The following VAT1L variants were observed in gnomAD, a reference collection of about 807,000 sequenced individuals.
VAT1L encodes the protein putative NADPH-dependent quinone oxidoreductase VAT1L.
In VAT1L, 34 loss-of-function variants were observed where a neutral mutation model predicts 44.1. That is an observed-to-expected ratio of 0.77 (90% CI 0.59 to 1.03). The LOEUF (loss-of-function observed/expected upper bound fraction) is 1.03. Ranked by LOEUF, VAT1L falls within the 50% of genes least tolerant of loss-of-function variation. The pLI is 0.00. For missense variants in VAT1L, 615 were observed against 538.8 expected (o/e 1.14, Z -1.40); for synonymous variants, 253 against 202.2 (o/e 1.25, Z -2.13).
At chr16:77,835,877 A>G (rs994187243) in intron 3 of VAT1L, among the ~76,000 whole-genome samples, 1 of 140,438 alleles carries the variant, frequency 7.1e-6, no homozygotes. Context: ...CTGTCTCAAG[A>G]AAAAAAAAAA....
Position 77,879,654 on chromosome 16 carries a change from A to T in VAT1L, c.882+430A>T, listed in dbSNP as rs1014595620. On this transcript the variant is annotated intron_variant, in intron 6 of 8. Transcript: ENST00000302536. This position sits in a 1 kb window ranked among gnomAD's most constrained non-coding sequence, Gnocchi z 4.1. ...AATTTCCTCGTTCATTTCCCATAAAACCTGCACTCCTGCCCTATTCCCTGC... is the reference window on the plus strand; with the variant it reads ...AATTTCCTCGTTCATTTCCCATAAATCCTGCACTCCTGCCCTATTCCCTGC... 5.3e-5 allele frequency among the ~76,000 whole-genome samples: 8 copies of T among 152,280 alleles called. No individual in the cohort carries two copies. The South Asian group carries it at 1.5e-3, about 28-fold the overall frequency.
chr16:77,825,377 C>T lies in VAT1L; in HGVS notation c.495C>T (p.Phe165=), dbSNP rs149678482. Residue 165 remains phenylalanine, a synonymous_variant, in exon 3 of 9, where the codon TTC becomes TTT. Coordinates refer to ENST00000302536, the MANE Select transcript of VAT1L (RefSeq NM_020927.3). ...FSEAAAFPMN[F]VTAYVMLFEV... is the part of the protein sequence containing the mutation. ...AGGCTGCTGCATTCCCCATGAACTT[C>T]GTCACAGCCTATGTGATGCTGTTTG... The T allele has an allele frequency of 8.2e-5, 132 of 1,613,982 alleles. No homozygotes were observed. The African/African-American group carries it at 1.5e-3, about 18-fold the overall frequency.
rs1370288463 is a variant in VAT1L, at chr16:77,839,544, A to C, written c.579+14083A>C. ...GAGAGATACTCCATATCAAAAAAAA[A>C]AAAAAAAAAAAAAAAAAAAAAAAAA... On this transcript the variant is annotated intron_variant, in intron 3 of 8. Transcript: ENST00000302536. Among the ~76,000 whole-genome samples, 145 of 70,672 alleles carry C rather than the reference A, an allele frequency of 2.1e-3. 1 individual carries two copies. The highest frequency in any genetic ancestry group is 2.7e-3 in the Non-Finnish European group (71 of 26,456). The allele number at this position is 70,672 out of a possible 152,430, so 46.4% of individuals were successfully genotyped here. A position where few individuals can be genotyped will look rare whatever the true frequency, so the allele number is the denominator to read the frequency against.
chr16:77,911,082 C>T (rs1221531251), intron 7 of VAT1L, among the ~76,000 whole-genome samples: 1 of 152,244 alleles, frequency 6.6e-6, no homozygotes, highest in African/African-American at 2.4e-5. Flanking sequence ...GGACCCAGAA[C>T]TGGTTTGCAG....
chr16:77,953,399 G>T (rs2018066082), intron 7 of VAT1L, among the ~76,000 whole-genome samples: 1 of 152,130 alleles, frequency 6.6e-6, no homozygotes. Flanking sequence ...TCAAGACTGG[G>T]TATGATTTGT....
intron 7 of VAT1L, among the ~76,000 whole-genome samples, chr16:77,898,408 G>A (rs1055039400): frequency 2.0e-5 from 3 of 152,088 alleles, no homozygotes; most frequent in Non-Finnish European, 4.4e-5. Flanking sequence ...AATTATAAAG[G>A]GCTAAAGAGA....
intron 4 of VAT1L, among the ~76,000 whole-genome samples, chr16:77,868,250 G>A (rs2016995799): frequency 1.3e-5 from 2 of 152,202 alleles, no homozygotes; most frequent in Admixed American, 6.5e-5. Flanking sequence ...GTGAGAAACT[G>A]AACAGTTGTA....
intron 4 of VAT1L, among the ~76,000 whole-genome samples, chr16:77,874,109 CA>C (rs1442074079): frequency 3.3e-5 from 5 of 151,966 alleles, no homozygotes; most frequent in African/African-American, 1.2e-4. Context: ...CATCAGAGGA[CA>C]AAAATTCAAG....
intron 6 of VAT1L, chr16:77,882,366 A>G (rs1045521191): frequency 6.6e-6 from 1 of 152,234 alleles, no homozygotes; most frequent in African/African-American, 2.4e-5. Flanking sequence ...TACTAATAGA[A>G]GAAGTTAACA....
At chr16:77,959,500 A>G (rs2018139071) in intron 7 of VAT1L, among the ~76,000 whole-genome samples, 1 of 152,102 alleles carries the variant, frequency 6.6e-6, no homozygotes. Context: ...TTAAAGTATT[A>G]CTCATTTCTT....
chr16:77,910,432 G>A (rs914120882), intron 7 of VAT1L, among the ~76,000 whole-genome samples: 14 of 152,228 alleles, frequency 9.2e-5, no homozygotes, highest in Middle Eastern at 3.4e-3. Flanking sequence ...CAGCACTTTG[G>A]GAGGCCGAGG....
At chr16:77,874,858 A>AG (rs2017071532) in intron 4 of VAT1L, among the ~76,000 whole-genome samples, 1 of 150,732 alleles carries the variant, frequency 6.6e-6, no homozygotes, top group Non-Finnish European at 1.5e-5. Context: ...AAAAAAAAAA[A>AG]AAAAAGCCAG....
intron 7 of VAT1L, among the ~76,000 whole-genome samples, chr16:77,950,409 AACACACACACACACACACAC>A (rs61168492): frequency 1.5e-5 from 2 of 131,432 alleles, no homozygotes; most frequent in Admixed American, 7.5e-5. Context: ...ATTCCATCTA[AACACACACACACACACACAC>A]ACACACACAC....
rs150832375 is a variant in VAT1L at position 77,976,510 on chromosome 16, G to C, written c.1162-1087G>C. On this transcript the variant is annotated intron_variant, in intron 8 of 8. Coordinates refer to ENST00000302536, the MANE Select transcript of VAT1L (RefSeq NM_020927.3). The stretch of plus-strand genomic sequence containing the variant: ...ACATGGGGAGAGCTGAGATTCAGGG[G>C]CCAAATTCCTGTTTGTCAGAATAAG... Among the ~76,000 whole-genome samples, 107 of 152,216 alleles carry C rather than the reference G, an allele frequency of 7.0e-4. 2 individuals carry two copies. In the East Asian group the frequency reaches 0.012, roughly 18 times the overall value.
At chr16:77,887,844 C>G (rs1034107813) in intron 7 of VAT1L, among the ~76,000 whole-genome samples, 2 of 152,162 alleles carry the variant, frequency 1.3e-5, no homozygotes, top group African/African-American at 4.8e-5. Flanking sequence ...CATGTCCAAC[C>G]TTGCTTAAAA....
At chr16:77,857,894 T>G (rs931596362) in intron 3 of VAT1L, among the ~76,000 whole-genome samples, 1 of 151,882 alleles carries the variant, frequency 6.6e-6, no homozygotes, top group Non-Finnish European at 1.5e-5. Flanking sequence ...AGTGAAGTTC[T>G]GCTTCAGTCA....
intron 3 of VAT1L, among the ~76,000 whole-genome samples, chr16:77,833,923 C>A (rs886817010): frequency 6.6e-6 from 1 of 152,114 alleles, no homozygotes; most frequent in Admixed American, 6.5e-5. Flanking sequence ...CATCACCTAA[C>A]TCTCCGTCTT....
intron 7 of VAT1L, among the ~76,000 whole-genome samples, chr16:77,950,172 G>A (rs1168845036): frequency 6.6e-6 from 1 of 152,164 alleles, no homozygotes; most frequent in African/African-American, 2.4e-5. Flanking sequence ...ATTTTGGGAG[G>A]CCAAGGCAGG....
At chr16:77,927,740 A>G (rs1049833571) in intron 7 of VAT1L, among the ~76,000 whole-genome samples, 1 of 151,786 alleles carries the variant, frequency 6.6e-6, no homozygotes, top group African/African-American at 2.4e-5. Flanking sequence ...GTGGTGGCAC[A>G]CGCCTGTAGT....
Sources: allele counts gnomAD v4.1 joint callset (sites outside exome capture counted in the v4.1 genomes callset), GRCh38; gene constraint gnomAD v4.1.1; non-coding constraint Gnocchi (gnomAD v3.1); transcripts MANE v1.5; gene names NCBI Gene and HGNC (gene_info 2026-07-23, HGNC 2026-07-21).